Variants in C1orf87 observed in about 807,000 individuals in gnomAD.
C1orf87 encodes the protein chromosome 1 open reading frame 87, also known as uncharacterized protein C1orf87.
C1orf87 carries 58 observed loss-of-function variants against 60.5 expected under a neutral mutation model. The ratio of observed to expected loss-of-function variants is 0.96; its 90% CI spans 0.78 to 1.19. The LOEUF (loss-of-function observed/expected upper bound fraction) is 1.19, where lower values mean the gene tolerates loss of function less well. C1orf87 is among the 50% of genes most tolerant of loss of function. C1orf87 has a pLI of 0.00. For missense variants in C1orf87, 673 were observed against 638.6 expected (o/e 1.05, Z -0.58); for synonymous variants, 236 against 227.4 (o/e 1.04, Z -0.34).
At chr1:60,067,380 C>G (rs962214773) in intron 2 of C1orf87, among the ~76,000 whole-genome samples, 4 of 151,926 alleles carry the variant, frequency 2.6e-5, no homozygotes, top group African/African-American at 9.7e-5. Context: ...TATAGTATCT[C>G]ATTCCTGACA....
At chr1:59,993,162 A>C (rs1405914754) in intron 11 of C1orf87, among the ~76,000 whole-genome samples, 1 of 152,222 alleles carries the variant, frequency 6.6e-6, no homozygotes, top group Non-Finnish European at 1.5e-5. Context: ...TCGAGGCTGC[A>C]GTGAGTTGTG....
chr1:60,042,834 A>G (rs1217940972), intron 3 of C1orf87, among the ~76,000 whole-genome samples: 1 of 152,240 alleles, frequency 6.6e-6, no homozygotes, highest in Admixed American at 6.5e-5. Context: ...CTGCTCTCAC[A>G]GAGTTTGCTG....
rs946780157 is a variant in C1orf87 at position 59,993,203 on chromosome 1, G to A, written c.1481-2370C>T. 5.3e-5 allele frequency among the ~76,000 whole-genome samples: 8 copies of A among 152,082 alleles called. No homozygotes were observed. The East Asian group carries it at 9.6e-4, about 18-fold the overall frequency. ...GCCATTGCATTCTAGCCCAGGCAAC[G>A]GAGTGAGGCCCCTGTCTTAAATAAA... On this transcript the variant is annotated intron_variant, in intron 11 of 11. Coordinates refer to ENST00000371201, the MANE Select transcript of C1orf87 (RefSeq NM_152377.3).
At chr1:60,055,866 CT>C (rs1443383514) in intron 2 of C1orf87, among the ~76,000 whole-genome samples, 1 of 151,446 alleles carries the variant, frequency 6.6e-6, no homozygotes, top group Non-Finnish European at 1.5e-5. Context: ...TCCTGGGAGC[CT>C]TTCATTTAAG....
intron 2 of C1orf87, among the ~76,000 whole-genome samples, chr1:60,060,466 A>T (rs1645487890): frequency 6.6e-6 from 1 of 152,188 alleles, no homozygotes; most frequent in Non-Finnish European, 1.5e-5. Flanking sequence ...TCCTTTATAC[A>T]CACACTCCTC....
Position 60,010,422 on chromosome 1 carries a change from A to T in C1orf87, c.1162T>A (p.Ser388Thr), listed in dbSNP as rs762221940. Residue 388 changes from serine to threonine, a missense_variant, in exon 9 of 12, where the codon TCT becomes ACT. By Grantham distance (58) the Ser-to-Thr change is moderately conservative. Coordinates refer to ENST00000371201, the MANE Select transcript of C1orf87 (RefSeq NM_152377.3). Reference sequence around the variant, plus strand: ...GGCAAATCAGATAACAAATCAGAAGAAGCTCTGGTCAGCATCTCAACAAAA... The same window carrying T: ...GGCAAATCAGATAACAAATCAGAAGTAGCTCTGGTCAGCATCTCAACAAAA... ...QNFVEMLTRA[S>T]SDLLSDLPTG... is the part of the protein sequence containing the mutation. 6.2e-7 allele frequency: 1 copy of T among 1,612,618 alleles called. No homozygotes were observed.
At chr1:60,053,764 A>T (rs1645432411) in intron 3 of C1orf87, among the ~76,000 whole-genome samples, 1 of 152,120 alleles carries the variant, frequency 6.6e-6, no homozygotes, top group Admixed American at 6.5e-5. Flanking sequence ...TCGTTATGCT[A>T]TTTTTATAAT....
rs143998933 is a variant in C1orf87, at chr1:60,025,466, A to G, written c.1062T>C (p.Tyr354=). The G allele has an allele frequency of 3.5e-4, 563 of 1,613,306 alleles. 4 individuals are homozygous for G. The East Asian group carries it at 8.5e-3, about 24-fold the overall frequency. ...VRAICGKHGL[Y]LTLSLLETLL... is the part of the protein sequence containing the mutation. ...ATGTTTCCAGCAGGCTCAGGGTCAG[A>G]TATAATCCATGCTTCCCACATATAG... is the stretch of plus-strand genomic sequence containing the variant. The change falls in exon 8 of 12, where the codon TAT becomes TAC. Residue 354 remains tyrosine, a synonymous_variant. Coordinates refer to ENST00000371201, the MANE Select transcript of C1orf87 (RefSeq NM_152377.3).
intron 2 of C1orf87, among the ~76,000 whole-genome samples, chr1:60,071,168 G>A (rs979545049): frequency 1.3e-5 from 2 of 152,090 alleles, no homozygotes; most frequent in African/African-American, 4.8e-5. Context: ...AAACATTTCA[G>A]AGAAAGAGGT....
At chr1:60,027,210 T>A (rs1212789495) in intron 7 of C1orf87, among the ~76,000 whole-genome samples, 1 of 152,198 alleles carries the variant, frequency 6.6e-6, no homozygotes, top group Middle Eastern at 3.2e-3. Flanking sequence ...GAAGTCTGCC[T>A]TTTATCAGCT....
intron 11 of C1orf87, among the ~76,000 whole-genome samples, chr1:59,993,289 A>T (rs1644938171): frequency 6.6e-6 from 1 of 152,056 alleles, no homozygotes; most frequent in African/African-American, 2.4e-5. Flanking sequence ...AGAAAGAGGG[A>T]AAGAAGGAAA....
At chr1:60,003,370 T>G (rs12724062) in intron 9 of C1orf87, among the ~76,000 whole-genome samples, 20,470 of 150,664 alleles carry the variant, frequency 0.14, 1,555 homozygotes, top group Admixed American at 0.19. Context: ...TACCTAATGA[T>G]AGATAACGAG....
chr1:60,033,784 C>G (rs1645256427), intron 6 of C1orf87, 143 bp from the exon 7 acceptor site: 3 of 846,892 alleles, frequency 3.5e-6, no homozygotes, highest in Non-Finnish European at 5.3e-6. Context: ...TCTTGGGAAC[C>G]TGGTCATGAG....
At chr1:59,991,156 G>A (rs756680424) in intron 11 of C1orf87, among the ~76,000 whole-genome samples, 2 of 152,054 alleles carry the variant, frequency 1.3e-5, no homozygotes, top group Non-Finnish European at 2.9e-5. Flanking sequence ...AAACACTGGG[G>A]GTGCCTAGCA....
intron 2 of C1orf87, among the ~76,000 whole-genome samples, chr1:60,057,975 C>T (rs1046690045): frequency 1.3e-5 from 2 of 152,186 alleles, no homozygotes; most frequent in African/African-American, 4.8e-5. Flanking sequence ...GTGAGGCTCA[C>T]ACAGAACTGG....
At chr1:59,995,888 A>G (rs936148026) in intron 11 of C1orf87, among the ~76,000 whole-genome samples, 5 of 152,094 alleles carry the variant, frequency 3.3e-5, no homozygotes, top group African/African-American at 1.2e-4. Flanking sequence ...GCACTGAACT[A>G]TTGTTAGTCT....
intron 9 of C1orf87, among the ~76,000 whole-genome samples, chr1:60,005,376 T>C (rs1028771901): frequency 6.6e-6 from 1 of 152,104 alleles, no homozygotes; most frequent in African/African-American, 2.4e-5. Context: ...GGAGTGTGCA[T>C]TCTGATGGAG....
chr1:60,020,174 G>T (rs777460428), intron 8 of C1orf87, among the ~76,000 whole-genome samples: 3 of 152,172 alleles, frequency 2.0e-5, no homozygotes, highest in Admixed American at 6.5e-5. Context: ...CGTGGGCTGG[G>T]CCCAGGCTGG....
At chr1:60,039,250 C>G (rs190659463) in intron 5 of C1orf87, among the ~76,000 whole-genome samples, 18 of 152,246 alleles carry the variant, frequency 1.2e-4, no homozygotes, top group African/African-American at 4.3e-4. Flanking sequence ...TTGATACATG[C>G]TCACTAATGA....
Sources: gnomAD v4.1 joint callset for allele counts (sites outside exome capture counted in the v4.1 genomes callset) on GRCh38, gnomAD v4.1.1 for gene constraint, MANE v1.5 for transcripts, NCBI Gene and HGNC (gene_info 2026-07-23, HGNC 2026-07-21) for gene names.